Variants in PLEKHG6 observed in about 807,000 individuals in gnomAD.
PLEKHG6 encodes the protein pleckstrin homology and RhoGEF domain containing G6.
Under a neutral mutation model 97.5 loss-of-function variants are expected in PLEKHG6, and 91 were observed. The observed-to-expected ratio is 0.93, with a 90% CI of 0.79 to 1.11. The LOEUF is 1.11. PLEKHG6 is among the 50% of genes most tolerant of loss of function. The pLI, the probability that PLEKHG6 is intolerant of heterozygous loss-of-function variation, is 0.00. For missense variants in PLEKHG6, 1,044 were observed against 1,031.0 expected, an observed-to-expected ratio of 1.01 and a Z score of -0.17; for synonymous variants, 466 against 425.5, an observed-to-expected ratio of 1.10 and a Z score of -1.17.
At chr12:6,317,137 C>T (rs778009143) in intron 7 of PLEKHG6, among the ~76,000 whole-genome samples, 166 bp from the exon 8 acceptor site, 50 of 152,356 alleles carry the variant, frequency 3.3e-4, no homozygotes, top group African/African-American at 1.2e-3. Context: ...AGGGGCGTAG[C>T]CTCGAGAGCA....
At chr12:6,312,527 C>A in intron 2 of PLEKHG6, 163 bp downstream of exon 2, 1 of 1,101,262 alleles carries the variant, frequency 9.1e-7, no homozygotes, top group Non-Finnish European at 1.2e-6. Flanking sequence ...AGTGACAGGG[C>A]CAGGCTCCAG....
chr12:6,320,990 T>C (rs914442168), intron 13 of PLEKHG6, among the ~76,000 whole-genome samples: 4 of 151,990 alleles, frequency 2.6e-5, no homozygotes, highest in African/African-American at 9.7e-5. Flanking sequence ...TTGAGTTAAA[T>C]AGGGTCAACA....
Position 6,316,364 on chromosome 12 carries a change from A to G in PLEKHG6, c.716A>G (p.Gln239Arg), listed in dbSNP as rs1483400193. ...CTGGAGGAGACTCGGGCCTCGGGCC[A>G]GCCTCTGGACCCCATTGGTCTGCAA... ...PTLEETRASGQPLDPIGLQSG... is the reference protein window; with the variant it reads ...PTLEETRASGRPLDPIGLQSG... Residue 239 changes from glutamine (Q) to arginine (R), a missense_variant, in exon 7 of 16, where the codon CAG becomes CGG. Transcript: ENST00000684764. This position sits in a 1 kb window ranked among gnomAD's most constrained non-coding sequence, Gnocchi z 4.1. 6.4e-7 allele frequency: 1 copy of G among 1,569,286 alleles called. No homozygotes were observed. Among genetic ancestry groups the G allele is most frequent in the African/African-American group, 1.3e-5 (1 of 74,108 alleles).
chr12:6,312,471 C>A, intron 2 of PLEKHG6, 107 bp downstream of exon 2: 1 of 1,274,240 alleles, frequency 7.8e-7, no homozygotes, highest in Non-Finnish European at 1.1e-6. Context: ...GCTATTCCTG[C>A]CCCTTACCCT....
rs746389909 is a variant in PLEKHG6 at position 6,326,457 on chromosome 12, G to A, written c.1554G>A (p.Glu518=). The A allele has an allele frequency of 3.7e-6, 6 of 1,613,722 alleles. No individual in the cohort carries two copies. The Admixed American group carries it at 5.0e-5, about 13-fold the overall frequency. ...QAALQKLKAE[E]YVQQKRELLT... Reference sequence around the variant, plus strand: ...CCCTACAGAAGCTGAAGGCAGAGGAGTATGTTCAACAGAAGAGGGAGCTCC... The same window carrying A: ...CCCTACAGAAGCTGAAGGCAGAGGAATATGTTCAACAGAAGAGGGAGCTCC... The change falls in exon 14 of 16, where the codon GAG becomes GAA. Residue 518 remains glutamate (E), a synonymous_variant. Coordinates refer to ENST00000684764, the MANE Select transcript of PLEKHG6 (RefSeq NM_001384598.1).
chr12:6,310,903 C>G (rs1267880806), intron 1 of PLEKHG6, 55 bp downstream of exon 1: 1 of 152,874 alleles, frequency 6.5e-6, no homozygotes, highest in African/African-American at 2.4e-5. Flanking sequence ...GACCCGGGGC[C>G]TGGAAGCCGG....
chr12:6,315,225 A>T lies in PLEKHG6; in HGVS notation c.459+56A>T. 6.5e-6 allele frequency: 10 copies of T among 1,529,560 alleles called. No homozygotes were observed. The highest frequency in any genetic ancestry group is 8.9e-6 in the Non-Finnish European group (10 of 1,127,106). 94.7% of individuals were successfully genotyped at this position (1,529,560 alleles called of 1,614,324 possible). A position where few individuals can be genotyped will look rare whatever the true frequency, so the allele number is the denominator to read the frequency against. The stretch of plus-strand genomic sequence containing the variant: ...CCCCACGGCGTGAATGCACACACAG[A>T]TTCTGCTCTAGAGGAGGGAAAGGCC... On this transcript the variant is annotated intron_variant, in intron 4 of 15. Coordinates refer to ENST00000684764, the MANE Select transcript of PLEKHG6 (RefSeq NM_001384598.1). This position sits in a 1 kb window ranked among gnomAD's most constrained non-coding sequence, Gnocchi z 4.5.
In PLEKHG6 at chr12:6,316,257, G is replaced by A. The variant is rs1226078174; in HGVS notation, c.609G>A (p.Val203=). The A allele has an allele frequency of 6.4e-7, 1 of 1,551,590 alleles. No individual in the cohort carries two copies. Residue 203 remains valine (V), a splice_region_variant and synonymous_variant, in exon 7 of 16, where the codon GTG becomes GTA. Transcript: ENST00000684764. This position sits in a 1 kb window ranked among gnomAD's most constrained non-coding sequence, Gnocchi z 4.1. ...CTCAGCTCTGCTCCCTCCTCCAGGT[G>A]TCAGCTGAGACCCTGTTTGGAAATG... ...NLQRVGLLME[V]SAETLFGNVP...
Position 6,318,001 on chromosome 12 carries a change from G to A in PLEKHG6, c.1155+7G>A. ...CAGTGATGAGGTGGAGAAGGTGAGA[G>A]GGCAAAGGGAAGGGACCCAGGAAAA... On this transcript the variant is annotated splice_region_variant and intron_variant, in intron 10 of 15. Coordinates refer to ENST00000684764, the MANE Select transcript of PLEKHG6 (RefSeq NM_001384598.1). 1 of 1,585,144 alleles carries A rather than the reference G, an allele frequency of 6.3e-7. No individual in the cohort carries two copies. The highest frequency in any genetic ancestry group is 8.6e-7 in the Non-Finnish European group (1 of 1,165,088).
chr12:6,316,486 A>G lies in PLEKHG6; in HGVS notation c.756+82A>G, dbSNP rs979536444. 9.4e-5 allele frequency: 124 copies of G among 1,315,112 alleles called. No individual in the cohort carries two copies. Among genetic ancestry groups the G allele is most frequent in the Non-Finnish European group, 1.2e-4 (119 of 976,404 alleles). 81.5% of individuals were successfully genotyped at this position (1,315,112 alleles called of 1,614,324 possible). On this transcript the variant is annotated intron_variant, in intron 7 of 15. Coordinates refer to ENST00000684764, the MANE Select transcript of PLEKHG6 (RefSeq NM_001384598.1). The surrounding 1 kb of genome is among the most constrained non-coding windows in gnomAD (Gnocchi z 4.1). The stretch of plus-strand genomic sequence containing the variant: ...CCTGTGTGTAGGGCATGCCCACAGT[A>G]TGCAAATCTCTGTGATTTGAGGGGC...
Position 6,315,076 on chromosome 12 carries a change from C to A in PLEKHG6, c.366C>A (p.Pro122=), listed in dbSNP as rs1257449267. The A allele has an allele frequency of 6.8e-6, 11 of 1,613,592 alleles. No individual in the cohort carries two copies. The Admixed American group carries it at 1.8e-4, about 27-fold the overall frequency. The part of the protein sequence containing the change: ...TFSMFGMPRL[P]PEDRRHWEIG... Reference sequence around the variant, plus strand: ...GCATGTTTGGGATGCCCCGGCTGCCCCCTGAGGACCGGCGGCACTGGGAGA... The same window carrying A: ...GCATGTTTGGGATGCCCCGGCTGCCACCTGAGGACCGGCGGCACTGGGAGA... Residue 122 remains proline, a synonymous_variant, in exon 4 of 16, where the codon CCC becomes CCA. Transcript: ENST00000684764. The surrounding 1 kb of genome is among the most constrained non-coding windows in gnomAD (Gnocchi z 4.5).
chr12:6,310,836 C>T lies in PLEKHG6; in HGVS notation c.-81C>T, dbSNP rs1220686682. On this transcript the variant is annotated 5_prime_UTR_variant, in exon 1 of 16. Transcript: ENST00000684764. ...GCGCAGGGCAGCGGGTGCGGTGACA[C>T]CTGTGGGCACAGGTGAGCGGCGGGA... 1 of 152,684 alleles carries T rather than the reference C, an allele frequency of 6.5e-6. No homozygotes were observed. Among genetic ancestry groups the T allele is most frequent in the African/African-American group, 2.4e-5 (1 of 41,412 alleles). 9.5% of individuals were successfully genotyped at this position (152,684 alleles called of 1,614,324 possible).
Position 6,315,916 on chromosome 12 carries a change from G to T in PLEKHG6, c.603G>T (p.Met201Ile). 6.3e-7 allele frequency: 1 copy of T among 1,580,626 alleles called. No individual in the cohort carries two copies. Among genetic ancestry groups the T allele is most frequent in the African/African-American group, 1.3e-5 (1 of 74,500 alleles). ...ACCTGCAGCGAGTGGGACTGCTGAT[G>T]GAAGTGAGTGGGTGCTCAGGAGGGG... ...LLNLQRVGLL[M>I]EVSAETLFGN... The change falls in exon 6 of 16, where the codon ATG becomes ATT. Residue 201 changes from methionine to isoleucine, a missense_variant. Met to Ile is a conservative substitution (Grantham distance 10). Transcript: ENST00000684764. This position sits in a 1 kb window ranked among gnomAD's most constrained non-coding sequence, Gnocchi z 4.5.
Position 6,316,540 on chromosome 12 carries a change from C to A in PLEKHG6, c.756+136C>A. 1 of 728,772 alleles carries A rather than the reference C, an allele frequency of 1.4e-6. No individual in the cohort carries two copies. Among genetic ancestry groups the A allele is most frequent in the Non-Finnish European group, 2.1e-6 (1 of 476,750 alleles). The allele number at this position is 728,772 out of a possible 1,614,324, so 45.1% of individuals were successfully genotyped here. A position where few individuals can be genotyped will look rare whatever the true frequency, so the allele number is the denominator to read the frequency against. ...AGGACACAGCCCCTACCCCTAATAT[C>A]ACCTCACCTCCTCCCTTCATGCCAC... On this transcript the variant is annotated intron_variant, in intron 7 of 15. Transcript: ENST00000684764. The surrounding 1 kb of genome is among the most constrained non-coding windows in gnomAD (Gnocchi z 4.1).
Position 6,315,873 on chromosome 12 carries a change from T to C in PLEKHG6, c.560T>C (p.Leu187Pro), listed in dbSNP as rs750202474. ...CCCTCGTCTCCCTCCCTGCAGCTGCTAGCCGCCGGCCTGCTGAACCTGCAG... is the reference window on the plus strand; with the variant it reads ...CCCTCGTCTCCCTCCCTGCAGCTGCCAGCCGCCGGCCTGCTGAACCTGCAG... ...VRKLKIMTDL[L>P]AAGLLNLQRV... is the part of the protein sequence containing the mutation. The change falls in exon 6 of 16, where the codon CTA (leucine) becomes CCA (proline). Residue 187 changes from leucine (L) to proline (P), a missense_variant. By Grantham distance (98) the Leu-to-Pro change is moderately conservative. Transcript: ENST00000684764. This position sits in a 1 kb window ranked among gnomAD's most constrained non-coding sequence, Gnocchi z 4.5. The C allele has an allele frequency of 3.2e-6, 5 of 1,567,336 alleles. No individual in the cohort carries two copies. The highest frequency in any genetic ancestry group is 4.3e-6 in the Non-Finnish European group (5 of 1,155,574).
In PLEKHG6 at chr12:6,315,769, C is replaced by T; in HGVS notation, c.556-100C>T. On this transcript the variant is annotated intron_variant, in intron 5 of 15. Transcript: ENST00000684764. The surrounding 1 kb of genome is among the most constrained non-coding windows in gnomAD (Gnocchi z 4.5). ...CAGGATTTCAGGCCAGTCTGGGATG[C>T]AGGGAGATAGGTCAGCAGTACTGAA... is the stretch of plus-strand genomic sequence containing the variant. 1.6e-6 allele frequency: 2 copies of T among 1,240,028 alleles called. No individual in the cohort carries two copies. The highest frequency in any genetic ancestry group is 2.3e-6 in the Non-Finnish European group (2 of 879,488). The allele number at this position is 1,240,028 out of a possible 1,614,324, so 76.8% of individuals were successfully genotyped here.
In PLEKHG6 at chr12:6,318,037, A is replaced by C. The variant is rs1374860242; in HGVS notation, c.1155+43A>C. 3 of 1,546,896 alleles carry C rather than the reference A, an allele frequency of 1.9e-6. No homozygotes were observed. In the South Asian group the frequency reaches 3.7e-5, roughly 19 times the overall value. ...AGGGACCCAGGAAAAGCAAGGTCCCAGGGATACTGGTGAAGGGGAGGGCTG... is the reference window on the plus strand; with the variant it reads ...AGGGACCCAGGAAAAGCAAGGTCCCCGGGATACTGGTGAAGGGGAGGGCTG... On this transcript the variant is annotated intron_variant, in intron 10 of 15. Coordinates refer to ENST00000684764, the MANE Select transcript of PLEKHG6 (RefSeq NM_001384598.1).
chr12:6,316,373 A>ACC lies in PLEKHG6; in HGVS notation c.728_729dup (p.Ile244ProfsTer9). The stretch of plus-strand genomic sequence containing the variant: ...ACTCGGGCCTCGGGCCAGCCTCTGG[A>ACC]CCCCATTGGTCTGCAAAGTGGCTTC... On this transcript the variant is annotated frameshift_variant, in exon 7 of 16. Coordinates refer to ENST00000684764, the MANE Select transcript of PLEKHG6 (RefSeq NM_001384598.1). LOFTEE classifies it high-confidence loss of function. This position sits in a 1 kb window ranked among gnomAD's most constrained non-coding sequence, Gnocchi z 4.1. The ACC allele has an allele frequency of 3.2e-6, 5 of 1,571,422 alleles. No individual in the cohort carries two copies. The highest frequency in any genetic ancestry group is 4.3e-6 in the Non-Finnish European group (5 of 1,157,704).
chr12:6,327,981 C>T (rs1421035216), intron 15 of PLEKHG6, 35 bp downstream of exon 15: 3 of 1,512,174 alleles, frequency 2.0e-6, no homozygotes, highest in East Asian at 2.3e-5. Flanking sequence ...TGGGAGGGGG[C>T]AGACGGGGAT....
Sources: gnomAD v4.1 joint callset for allele counts (sites outside exome capture counted in the v4.1 genomes callset) on GRCh38, gnomAD v4.1.1 for gene constraint, Gnocchi (gnomAD v3.1) non-coding constraint, MANE v1.5 for transcripts, NCBI Gene and HGNC (gene_info 2026-07-23, HGNC 2026-07-21) for gene names.